The following ECHDC3 variants were observed in gnomAD, a reference collection of about 807,000 sequenced individuals.
ECHDC3 encodes the protein enoyl-CoA hydratase domain containing 3, also known as enoyl-CoA hydratase domain-containing protein 3, mitochondrial.
In ECHDC3, 20 loss-of-function variants were observed where a neutral mutation model predicts 17.9. That is an observed-to-expected ratio of 1.12 (90% CI 0.79 to 1.63). The LOEUF (loss-of-function observed/expected upper bound fraction) is 1.63. Among genes scored for constraint, ECHDC3 ranks in the 40% most tolerant of loss-of-function variants. The probability of loss-of-function intolerance (pLI) is 0.00; values close to 1 mark genes in which losing one functional copy is unlikely to be tolerated. For synonymous variants in ECHDC3, 177 were observed against 149.7 expected (o/e 1.18, Z -1.33); for missense variants, 407 against 357.7 (o/e 1.14, Z -1.11).
rs1832877025 is a variant in ECHDC3 at position 11,755,529 on chromosome 10, C to G, written c.512C>G (p.Ser171Cys). The change falls in exon 4 of 5, where the codon TCT (serine) becomes TGT (cysteine). Residue 171 changes from serine to cysteine, a missense_variant. Ser to Cys is a moderately radical substitution (Grantham distance 112). Transcript: ENST00000379215. ...ATTGCCGTGGCGAGCGACAAGTCCT[C>G]TTTTGCCACTCCTGGGGTGAACGTC... ...CDIAVASDKS[S>C]FATPGVNVGL... 6.2e-7 allele frequency: 1 copy of G among 1,614,142 alleles called. No individual in the cohort carries two copies. The highest frequency in any genetic ancestry group is 8.5e-7 in the Non-Finnish European group (1 of 1,180,012).
chr10:11,747,437 G>C lies in ECHDC3; in HGVS notation c.259G>C (p.Asp87His). 6.2e-7 allele frequency: 1 copy of C among 1,614,026 alleles called. No individual in the cohort carries two copies. The highest frequency in any genetic ancestry group is 8.5e-7 in the Non-Finnish European group (1 of 1,180,002). ...CCAAAGTGACATTCTTCATGACGCT[G>C]ACAGCAACGATCTGAAAGTCATTAT... ...SLQSDILHDA[D>H]SNDLKVIIIS... is the part of the protein sequence containing the mutation. Residue 87 changes from aspartate (D) to histidine (H), a missense_variant, in exon 2 of 5, where the codon GAC (aspartate) becomes CAC (histidine). Asp to His is a moderately conservative substitution (Grantham distance 81, BLOSUM62 -1). Transcript: ENST00000379215.
At chr10:11,757,190 C>T (rs1832893706) in intron 4 of ECHDC3, among the ~76,000 whole-genome samples, 1 of 152,178 alleles carries the variant, frequency 6.6e-6, no homozygotes, top group South Asian at 2.1e-4. Flanking sequence ...TCTTCAACAC[C>T]TGATGCGCTG....
intron 4 of ECHDC3, among the ~76,000 whole-genome samples, chr10:11,758,921 G>A (rs1383032036): frequency 6.6e-6 from 1 of 152,256 alleles, no homozygotes; most frequent in Non-Finnish European, 1.5e-5. Context: ...GCTATGTGCT[G>A]TGGTCTCAAT....
At chr10:11,755,846 T>A (rs1170156299) in intron 4 of ECHDC3, 3 of 487,852 alleles carry the variant, frequency 6.1e-6, no homozygotes, top group African/African-American at 3.9e-5. Context: ...GTGAAATCAC[T>A]GCATTTCCAT....
At chr10:11,755,137 A>G (rs1832869920) in intron 3 of ECHDC3, among the ~76,000 whole-genome samples, 2 of 152,160 alleles carry the variant, frequency 1.3e-5, no homozygotes, top group Admixed American at 1.3e-4. Context: ...CCTGGCCAGC[A>G]TGGTAAAACC....
At chr10:11,758,355 C>T (rs1319964307) in intron 4 of ECHDC3, among the ~76,000 whole-genome samples, 1 of 152,222 alleles carries the variant, frequency 6.6e-6, no homozygotes, top group Non-Finnish European at 1.5e-5. Flanking sequence ...GTGCCTCAAG[C>T]AGCCGGCCTC....
chr10:11,745,981 A>G (rs1832754727), intron 1 of ECHDC3, among the ~76,000 whole-genome samples: 1 of 152,156 alleles, frequency 6.6e-6, no homozygotes, highest in Admixed American at 6.6e-5. Flanking sequence ...TTCATGTATC[A>G]GCCCACTTGC....
At chr10:11,751,719 G>A (rs573981392) in intron 3 of ECHDC3, among the ~76,000 whole-genome samples, 7 of 152,188 alleles carry the variant, frequency 4.6e-5, no homozygotes, top group Non-Finnish European at 1.0e-4. Context: ...CTTGGCTCTG[G>A]AAGAGTGAAA....
chr10:11,749,773 CTTTTTTTTTTTTTTTTTTTTTTTTTTTTT>C (rs869115508), intron 3 of ECHDC3, among the ~76,000 whole-genome samples, 181 bp downstream of exon 3: 1 of 65,500 alleles, frequency 1.5e-5, no homozygotes, highest in African/African-American at 6.5e-5. Context: ...TGGTTTAGAC[CTTTTTTTTTTTTTTTTTTTTTTTTTTTTT>C]TTTTTTTTTT....
chr10:11,744,211 G>A (rs1017463370), intron 1 of ECHDC3, among the ~76,000 whole-genome samples: 1 of 152,180 alleles, frequency 6.6e-6, no homozygotes, highest in African/African-American at 2.4e-5. Flanking sequence ...GTTCAGAGAG[G>A]TGACAGCCTG....
chr10:11,747,252 T>C (rs1832770924), intron 1 of ECHDC3, 97 bp from the exon 2 acceptor site: 2 of 1,488,924 alleles, frequency 1.3e-6, no homozygotes, highest in East Asian at 4.8e-5. Flanking sequence ...TCCTTTCTTG[T>C]CTGTTAAAAA....
chr10:11,742,878 G>T (rs887633686), intron 1 of ECHDC3, 132 bp downstream of exon 1: 1 of 1,067,198 alleles, frequency 9.4e-7, no homozygotes, highest in Non-Finnish European at 1.2e-6. Flanking sequence ...CCGTGTCCCG[G>T]ACCCGGGCCT....
intron 3 of ECHDC3, among the ~76,000 whole-genome samples, chr10:11,753,170 G>C (rs10159842): frequency 0.93 from 141,836 of 151,954 alleles, 67,039 homozygotes; most frequent in East Asian, 1. Flanking sequence ...CAGTTGAGGT[G>C]AGGAGTTTGA....
chr10:11,753,016 C>G (rs2133791115), intron 3 of ECHDC3, among the ~76,000 whole-genome samples: 1 of 152,310 alleles, frequency 6.6e-6, no homozygotes, highest in South Asian at 2.1e-4. Flanking sequence ...TGGTGAGCAT[C>G]TTTGGCATAG....
At chr10:11,752,941 C>G (rs1244439530) in intron 3 of ECHDC3, among the ~76,000 whole-genome samples, 1 of 152,216 alleles carries the variant, frequency 6.6e-6, no homozygotes, top group Non-Finnish European at 1.5e-5. Context: ...TTAGTTTCCA[C>G]TGCCATTTAT....
Position 11,763,792 on chromosome 10 carries a change from C to CCTGGCATTTGGGGTGCT in ECHDC3, c.*250_*266dup. The CCTGGCATTTGGGGTGCT allele has an allele frequency of 1.6e-6, 2 of 1,281,910 alleles. No individual in the cohort carries two copies. Among genetic ancestry groups the CCTGGCATTTGGGGTGCT allele is most frequent in the African/African-American group, 3.0e-5 (2 of 66,208 alleles). The allele number at this position is 1,281,910 out of a possible 1,614,324, so 79.4% of individuals were successfully genotyped here. ...GCAGCGGGCCAGCTATGGTGGGAAGCCTGGCATTTGGGGTGCTCCTTGCAA... is the reference window on the plus strand; with the variant it reads ...GCAGCGGGCCAGCTATGGTGGGAAGCCTGGCATTTGGGGTGCTCTGGCATTTGGGGTGCTCCTTGCAA... On this transcript the variant is annotated 3_prime_UTR_variant, in exon 5 of 5. Coordinates refer to ENST00000379215, the MANE Select transcript of ECHDC3 (RefSeq NM_024693.5). This position sits in a 1 kb window ranked among gnomAD's most constrained non-coding sequence, Gnocchi z 4.9.
chr10:11,751,178 T>C (rs1251937318), intron 3 of ECHDC3, among the ~76,000 whole-genome samples: 2 of 152,248 alleles, frequency 1.3e-5, no homozygotes, highest in Non-Finnish European at 2.9e-5. Context: ...AAAGCCCTTT[T>C]ATCCTCCCTA....
At position 11,763,925 on chromosome 10, in the gene ECHDC3, C is replaced by T. The variant is rs1832984106; in HGVS notation, c.*381C>T. On this transcript the variant is annotated 3_prime_UTR_variant, in exon 5 of 5. Transcript: ENST00000379215. This position sits in a 1 kb window ranked among gnomAD's most constrained non-coding sequence, Gnocchi z 4.9. ...CTGAAACGTCCTAAGCAGAGTTAAT[C>T]CTGGCTGCTCAGGAGAGGCGACACA... is the stretch of plus-strand genomic sequence containing the variant. 9.9e-7 allele frequency: 1 copy of T among 1,009,130 alleles called. No homozygotes were observed. The highest frequency in any genetic ancestry group is 5.7e-5 in the Admixed American group (1 of 17,684). The allele number at this position is 1,009,130 out of a possible 1,614,324, so 62.5% of individuals were successfully genotyped here.
chr10:11,756,484 A>G (rs1832887944), intron 4 of ECHDC3, among the ~76,000 whole-genome samples: 1 of 152,252 alleles, frequency 6.6e-6, no homozygotes, highest in Non-Finnish European at 1.5e-5. Flanking sequence ...CGCAAAAGAA[A>G]TAAGATCCAA....
Sources: allele counts gnomAD v4.1 joint callset (sites outside exome capture counted in the v4.1 genomes callset), GRCh38; gene constraint gnomAD v4.1.1; non-coding constraint Gnocchi (gnomAD v3.1); transcripts MANE v1.5; gene names NCBI Gene and HGNC (gene_info 2026-07-23, HGNC 2026-07-21).